The following ARF3 variants were observed in gnomAD, a reference collection of about 807,000 sequenced individuals.
ARF3 encodes the protein ARF GTPase 3, also known as ADP-ribosylation factor 3.
ARF3 carries 5 observed loss-of-function variants against 19.3 expected under a neutral mutation model. The ratio of observed to expected loss-of-function variants is 0.26; its 90% CI spans 0.14 to 0.54. ARF3 has a LOEUF of 0.54. Among genes scored for constraint, ARF3 ranks in the 20% least tolerant of loss-of-function variants. The probability of loss-of-function intolerance (pLI) is 0.95; values close to 1 mark genes in which losing one functional copy is unlikely to be tolerated. For missense variants in ARF3, 77 were observed against 234.2 expected (o/e 0.33, Z 4.38); for synonymous variants, 71 against 89.2 (o/e 0.80, Z 1.15).
intron 1 of ARF3, among the ~76,000 whole-genome samples, chr12:48,947,153 G>A (rs972557630): frequency 2.2e-4 from 34 of 152,256 alleles, no homozygotes; most frequent in African/African-American, 7.7e-4. Context: ...CAGCTGGCTC[G>A]TGACCTGTGT....
chr12:48,955,148 G>A (rs1255190330), intron 1 of ARF3, among the ~76,000 whole-genome samples: 2 of 152,168 alleles, frequency 1.3e-5, no homozygotes, highest in African/African-American at 4.8e-5. Context: ...TGACTCTAGT[G>A]TAAAAGAGTA....
Position 48,939,571 on chromosome 12 carries a change from T to A in ARF3, c.384+84A>T. 6.3e-7 allele frequency: 1 copy of A among 1,583,284 alleles called. No individual in the cohort carries two copies. The highest frequency in any genetic ancestry group is 8.6e-7 in the Non-Finnish European group (1 of 1,157,892). ...TAACATTGAGAGCATACTAAAAGGG[T>A]TAACCATATAATAGGCCCAAGAGCC... On this transcript the variant is annotated intron_variant, in intron 4 of 4. Transcript: ENST00000256682. This position sits in a 1 kb window ranked among gnomAD's most constrained non-coding sequence, Gnocchi z 4.8.
At chr12:48,950,934 C>T (rs1940457021) in intron 1 of ARF3, among the ~76,000 whole-genome samples, 1 of 151,910 alleles carries the variant, frequency 6.6e-6, no homozygotes, top group Non-Finnish European at 1.5e-5. Flanking sequence ...ATTACAGGCA[C>T]CTGCCACCAC....
At chr12:48,953,548 A>G (rs1375356459) in intron 1 of ARF3, among the ~76,000 whole-genome samples, 1 of 152,226 alleles carries the variant, frequency 6.6e-6, no homozygotes, top group African/African-American at 2.4e-5. Context: ...GGATTATGCC[A>G]GGCTTTCAGC....
At chr12:48,949,836 T>C (rs1006344100) in intron 1 of ARF3, among the ~76,000 whole-genome samples, 11 of 152,172 alleles carry the variant, frequency 7.2e-5, no homozygotes, top group Non-Finnish European at 1.5e-4. Context: ...TGAGCCATTG[T>C]GCCTGGCCCC....
intron 1 of ARF3, among the ~76,000 whole-genome samples, chr12:48,947,907 CAAAGGCAT>C (rs1409472787): frequency 2.6e-5 from 4 of 151,882 alleles, no homozygotes; most frequent in Admixed American, 1.3e-4. Flanking sequence ...GAAGTGTGTG[CAAAGGCAT>C]AAAGACTGAG....
chr12:48,939,580 T>C lies in ARF3; in HGVS notation c.384+75A>G, dbSNP rs1488277265. The C allele has an allele frequency of 1.1e-5, 17 of 1,602,340 alleles. No individual in the cohort carries two copies. Among genetic ancestry groups the C allele is most frequent in the Admixed American group, 3.3e-5 (2 of 59,744 alleles). On this transcript the variant is annotated intron_variant, in intron 4 of 4. Coordinates refer to ENST00000256682, the MANE Select transcript of ARF3 (RefSeq NM_001659.3). This position sits in a 1 kb window ranked among gnomAD's most constrained non-coding sequence, Gnocchi z 4.8. Reference sequence around the variant, plus strand: ...GAGCATACTAAAAGGGTTAACCATATAATAGGCCCAAGAGCCAACAATTTC... The same window carrying C: ...GAGCATACTAAAAGGGTTAACCATACAATAGGCCCAAGAGCCAACAATTTC...
chr12:48,942,976 A>T (rs989719260), intron 1 of ARF3, among the ~76,000 whole-genome samples: 1 of 152,172 alleles, frequency 6.6e-6, no homozygotes, highest in Non-Finnish European at 1.5e-5. Flanking sequence ...GCATGGTGGC[A>T]CACTCCTGTA....
chr12:48,938,452 A>C lies in ARF3; in HGVS notation c.*495T>G, dbSNP rs1437736973. 1 of 453,458 alleles carries C rather than the reference A, an allele frequency of 2.2e-6. No homozygotes were observed. The highest frequency in any genetic ancestry group is 7.0e-5 in the East Asian group (1 of 14,344). 28.1% of individuals were successfully genotyped at this position (453,458 alleles called of 1,614,324 possible). On this transcript the variant is annotated 3_prime_UTR_variant, in exon 5 of 5. Coordinates refer to ENST00000256682, the MANE Select transcript of ARF3 (RefSeq NM_001659.3). ...CCCGCTCCCCCCGGCCCCCACAAAT[A>C]TATCTCTCTATACATGTATATACAG...
chr12:48,940,603 T>C (rs539330906), intron 2 of ARF3, among the ~76,000 whole-genome samples: 67 of 152,244 alleles, frequency 4.4e-4, no homozygotes, highest in Admixed American at 1.2e-3. Context: ...GTAACCAAGA[T>C]TGGCCACCAA....
intron 1 of ARF3, chr12:48,956,034 G>A (rs901952496): frequency 2.6e-5 from 4 of 152,236 alleles, no homozygotes; most frequent in Admixed American, 2.0e-4. Flanking sequence ...GTCACGGCAA[G>A]TGGAAACACC....
chr12:48,938,684 C>A lies in ARF3; in HGVS notation c.*263G>T. On this transcript the variant is annotated 3_prime_UTR_variant, in exon 5 of 5. Coordinates refer to ENST00000256682, the MANE Select transcript of ARF3 (RefSeq NM_001659.3). Reference sequence around the variant, plus strand: ...CCCAGAGGGTGAGAGAGAGAGGGGCCACCCCATGAAACCGTAACAACTTTT... The same window carrying A: ...CCCAGAGGGTGAGAGAGAGAGGGGCAACCCCATGAAACCGTAACAACTTTT... 2.1e-6 allele frequency: 1 copy of A among 481,334 alleles called. No individual in the cohort carries two copies. Among genetic ancestry groups the A allele is most frequent in the East Asian group, 4.2e-5 (1 of 23,666 alleles). The allele number at this position is 481,334 out of a possible 1,614,324, so 29.8% of individuals were successfully genotyped here.
At chr12:48,952,772 C>T (rs1222579277) in intron 1 of ARF3, among the ~76,000 whole-genome samples, 1 of 152,178 alleles carries the variant, frequency 6.6e-6, no homozygotes, top group Non-Finnish European at 1.5e-5. Context: ...ACCTGCGATC[C>T]CTCGGCATCC....
intron 1 of ARF3, among the ~76,000 whole-genome samples, chr12:48,946,757 G>A (rs1014686597): frequency 2.0e-5 from 3 of 152,214 alleles, no homozygotes; most frequent in Admixed American, 6.5e-5. Context: ...GCTGTAACTG[G>A]CTACTCAGCC....
chr12:48,952,730 A>G (rs1940491251), intron 1 of ARF3, among the ~76,000 whole-genome samples: 1 of 152,246 alleles, frequency 6.6e-6, no homozygotes, highest in Non-Finnish European at 1.5e-5. Flanking sequence ...ACACAGAGGA[A>G]CAGAGAACTG....
rs1161123113 is a variant in ARF3 at position 48,938,471 on chromosome 12, T to C, written c.*476A>G. 4 of 452,238 alleles carry C rather than the reference T, an allele frequency of 8.8e-6. No homozygotes were observed. The highest frequency in any genetic ancestry group is 1.8e-5 in the Non-Finnish European group (4 of 225,076). The allele number at this position is 452,238 out of a possible 1,614,324, so 28.0% of individuals were successfully genotyped here. ...ACAAATATATCTCTCTATACATGTA[T>C]ATACAGGCGCACACATGCACGCAAA... On this transcript the variant is annotated 3_prime_UTR_variant, in exon 5 of 5. Transcript: ENST00000256682.
chr12:48,956,721 C>A (rs1435451209), intron 1 of ARF3, among the ~76,000 whole-genome samples: 1 of 152,142 alleles, frequency 6.6e-6, no homozygotes, highest in African/African-American at 2.4e-5. Context: ...CTGCCCTCTT[C>A]CCAACCTGCG....
intron 1 of ARF3, among the ~76,000 whole-genome samples, chr12:48,948,956 A>G (rs1940412936): frequency 6.6e-6 from 1 of 152,198 alleles, no homozygotes; most frequent in Admixed American, 6.5e-5. Flanking sequence ...GAAAGGGGAA[A>G]GACTGGAGGC....
chr12:48,941,320 G>A, intron 1 of ARF3, 132 bp from the exon 2 acceptor site: 1 of 480,450 alleles, frequency 2.1e-6, no homozygotes, highest in South Asian at 2.9e-5. Context: ...AAATACCAAG[G>A]CCCACTCAGA....
Sources: gnomAD v4.1 joint callset for allele counts (sites outside exome capture counted in the v4.1 genomes callset) on GRCh38, gnomAD v4.1.1 for gene constraint, Gnocchi (gnomAD v3.1) non-coding constraint, MANE v1.5 for transcripts, NCBI Gene and HGNC (gene_info 2026-07-23, HGNC 2026-07-21) for gene names.